The following EFCAB11 variants were observed in gnomAD, a reference collection of about 807,000 sequenced individuals.
The protein encoded by EFCAB11 is EF-hand calcium binding domain 11, also known as EF-hand calcium-binding domain-containing protein 11.
Under a neutral mutation model 23.0 loss-of-function variants are expected in EFCAB11, and 14 were observed. That is an observed-to-expected ratio of 0.61 (90% CI 0.40 to 0.95). The LOEUF (loss-of-function observed/expected upper bound fraction) is 0.95. Among genes scored for constraint, EFCAB11 ranks in the 40% least tolerant of loss-of-function variants. The pLI is 0.00. For synonymous variants in EFCAB11, 65 were observed against 66.6 expected (o/e 0.98, Z 0.11); for missense variants, 198 against 195.8 (o/e 1.01, Z -0.07).
At chr14:89,902,474 C>A (rs372349582) in intron 5 of EFCAB11, among the ~76,000 whole-genome samples, 12 of 152,134 alleles carry the variant, frequency 7.9e-5, no homozygotes, top group African/African-American at 2.7e-4. Context: ...TCCAGAATGG[C>A]CCCTGGTGTA....
chr14:89,878,707 T>C (rs1339704746), intron 5 of EFCAB11, among the ~76,000 whole-genome samples: 1 of 152,134 alleles, frequency 6.6e-6, no homozygotes, highest in Non-Finnish European at 1.5e-5. Context: ...TAATGATTAT[T>C]ATAATTCAGT....
intron 3 of EFCAB11, among the ~76,000 whole-genome samples, chr14:89,948,042 C>T (rs1031343788): frequency 1.0e-4 from 15 of 150,252 alleles, no homozygotes; most frequent in Non-Finnish European, 1.9e-4. Context: ...TCAGTAGGTG[C>T]CATGTCCATT....
At chr14:89,901,693 G>A (rs192031187) in intron 5 of EFCAB11, among the ~76,000 whole-genome samples, 1 of 152,052 alleles carries the variant, frequency 6.6e-6, no homozygotes, top group Admixed American at 6.5e-5. Context: ...TAAGGTACAG[G>A]GACATAAATA....
At chr14:89,844,022 G>A (rs1470451227) in intron 5 of EFCAB11, among the ~76,000 whole-genome samples, 3 of 152,056 alleles carry the variant, frequency 2.0e-5, no homozygotes, top group Non-Finnish European at 4.4e-5. Context: ...AGAAAATGTC[G>A]ACCAAATACT....
At chr14:89,924,511 A>G in intron 5 of EFCAB11, 2 of 1,441,290 alleles carry the variant, frequency 1.4e-6, no homozygotes, top group Non-Finnish European at 1.8e-6. Context: ...AGCAGTGCTT[A>G]CAATGAGATG....
At chr14:89,906,151 C>T (rs1354541929) in intron 5 of EFCAB11, among the ~76,000 whole-genome samples, 1 of 150,302 alleles carries the variant, frequency 6.7e-6, no homozygotes, top group Non-Finnish European at 1.5e-5. Flanking sequence ...ACTGACAATG[C>T]CTGGCACTCA....
intron 5 of EFCAB11, chr14:89,833,302 G>C (rs145169019): frequency 6.6e-6 from 1 of 152,302 alleles, no homozygotes; most frequent in South Asian, 2.1e-4. Flanking sequence ...CAAAAAGTAG[G>C]TACTTCTGAG....
chr14:89,835,602 G>A lies in EFCAB11; in HGVS notation c.411-38278C>T, dbSNP rs186045602. 5.6e-5 allele frequency among the ~76,000 whole-genome samples: 8 copies of A among 141,682 alleles called. No individual in the cohort carries two copies. In the East Asian group the frequency reaches 1.3e-3, roughly 22 times the overall value. The allele number at this position is 141,682 out of a possible 152,430, so 92.9% of individuals were successfully genotyped here. A position where few individuals can be genotyped will look rare whatever the true frequency, so the allele number is the denominator to read the frequency against. On this transcript the variant is annotated intron_variant, in intron 5 of 5. Coordinates refer to ENST00000316738, the MANE Select transcript of EFCAB11 (RefSeq NM_145231.4). ...ATGCTCAACGTGTGTGTGTGTGTGT[G>A]TGTGTGTGTGTGTGTGTGTGTGTGT...
At chr14:89,896,918 G>A (rs1050183784) in intron 5 of EFCAB11, among the ~76,000 whole-genome samples, 8 of 152,070 alleles carry the variant, frequency 5.3e-5, no homozygotes, top group East Asian at 1.9e-4. Context: ...TTGTAGAGAT[G>A]GGGTCTTGCT....
chr14:89,875,983 G>A (rs1214603826), intron 5 of EFCAB11, among the ~76,000 whole-genome samples: 1 of 152,160 alleles, frequency 6.6e-6, no homozygotes, highest in Non-Finnish European at 1.5e-5. Context: ...ATCTCAAGGA[G>A]GTCATTAGTT....
intron 5 of EFCAB11, among the ~76,000 whole-genome samples, chr14:89,928,416 A>T (rs754345918): frequency 6.6e-6 from 1 of 152,078 alleles, no homozygotes; most frequent in South Asian, 2.1e-4. Flanking sequence ...TTAATATTTT[A>T]TAAGTGAGCA....
intron 5 of EFCAB11, among the ~76,000 whole-genome samples, chr14:89,811,414 G>A (rs1016059624): frequency 6.6e-6 from 1 of 152,118 alleles, no homozygotes. Flanking sequence ...CCGCCCCAAA[G>A]GTATCCATGT....
intron 5 of EFCAB11, among the ~76,000 whole-genome samples, chr14:89,868,002 G>A (rs1417625499): frequency 6.6e-6 from 1 of 152,178 alleles, no homozygotes; most frequent in Non-Finnish European, 1.5e-5. Flanking sequence ...TGCCTCATGG[G>A]CGAACCTGGA....
At chr14:89,868,151 T>C (rs1888155444) in intron 5 of EFCAB11, among the ~76,000 whole-genome samples, 1 of 152,202 alleles carries the variant, frequency 6.6e-6, no homozygotes. Context: ...AACCCTGAAC[T>C]AAGCCCACAA....
At chr14:89,952,287 T>C in intron 2 of EFCAB11, 2 of 480,628 alleles carry the variant, frequency 4.2e-6, no homozygotes, top group Non-Finnish European at 5.4e-6. Flanking sequence ...ATGGAGTGTA[T>C]GTACAGTATG....
intron 5 of EFCAB11, among the ~76,000 whole-genome samples, chr14:89,898,193 G>A (rs1321759224): frequency 6.6e-6 from 1 of 152,190 alleles, no homozygotes; most frequent in South Asian, 2.1e-4. Flanking sequence ...CCAACAAGGT[G>A]TGAGGCCTTG....
chr14:89,868,995 A>C (rs746399059), intron 5 of EFCAB11, among the ~76,000 whole-genome samples: 3 of 152,042 alleles, frequency 2.0e-5, no homozygotes, highest in Non-Finnish European at 4.4e-5. Context: ...TGAGCCTAGG[A>C]GTTTGAGACC....
intron 3 of EFCAB11, among the ~76,000 whole-genome samples, chr14:89,945,343 T>C (rs965485014): frequency 6.6e-6 from 1 of 152,224 alleles, no homozygotes; most frequent in African/African-American, 2.4e-5. Flanking sequence ...ACCTTTATTC[T>C]TTCCTAAACA....
At chr14:89,819,442 C>A (rs1054384830) in intron 5 of EFCAB11, among the ~76,000 whole-genome samples, 1 of 133,202 alleles carries the variant, frequency 7.5e-6, no homozygotes, top group Non-Finnish European at 1.5e-5. Context: ...TTCCTCCAGG[C>A]AAGGTCTCAC....
Sources: allele counts gnomAD v4.1 joint callset (sites outside exome capture counted in the v4.1 genomes callset), GRCh38; gene constraint gnomAD v4.1.1; transcripts MANE v1.5; gene names NCBI Gene and HGNC (gene_info 2026-07-23, HGNC 2026-07-21).